CFAP299: variants seen among roughly 807,000 people sequenced by gnomAD.
CFAP299 encodes the protein cilia- and flagella-associated protein 299.
A neutral mutation model predicts 27.0 loss-of-function variants in CFAP299; 21 were observed. That is an observed-to-expected ratio of 0.78 (90% CI 0.55 to 1.12). CFAP299 has a LOEUF of 1.12. Ranked by LOEUF, CFAP299 falls within the 50% of genes most tolerant of loss-of-function variation. The probability of loss-of-function intolerance (pLI) is 0.00; values close to 1 mark genes in which losing one functional copy is unlikely to be tolerated. For missense variants in CFAP299, 310 were observed against 276.6 expected (o/e 1.12, Z -0.86); for synonymous variants, 104 against 98.1 (o/e 1.06, Z -0.36).
At chr4:80,770,792 G>T (rs1578107891) in intron 3 of CFAP299, among the ~76,000 whole-genome samples, 1 of 152,176 alleles carries the variant, frequency 6.6e-6, no homozygotes, top group Non-Finnish European at 1.5e-5. Context: ...TTGGTTTTGG[G>T]AGTAAGTCCC....
chr4:80,916,721 T>C (rs1398231847), intron 4 of CFAP299, among the ~76,000 whole-genome samples: 2 of 152,044 alleles, frequency 1.3e-5, no homozygotes, highest in African/African-American at 4.8e-5. Context: ...AGAACAATTA[T>C]TGCAGGGATT....
chr4:80,501,440 A>G (rs1731737318), intron 2 of CFAP299, among the ~76,000 whole-genome samples: 1 of 147,646 alleles, frequency 6.8e-6, no homozygotes, highest in Non-Finnish European at 1.5e-5. Flanking sequence ...TATAAATTAT[A>G]AATATTCATA....
chr4:80,614,130 A>G (rs1022820334), intron 3 of CFAP299, among the ~76,000 whole-genome samples: 2 of 152,190 alleles, frequency 1.3e-5, no homozygotes, highest in African/African-American at 4.8e-5. Flanking sequence ...ATACATAACA[A>G]GTCACCTATT....
intron 3 of CFAP299, among the ~76,000 whole-genome samples, chr4:80,646,890 T>A (rs1165864130): frequency 6.6e-6 from 1 of 152,174 alleles, no homozygotes; most frequent in Non-Finnish European, 1.5e-5. Context: ...TATTCTTCGA[T>A]CTGGCAGTAT....
chr4:80,601,462 C>T (rs1577918315), intron 3 of CFAP299, among the ~76,000 whole-genome samples: 1 of 152,148 alleles, frequency 6.6e-6, no homozygotes, highest in Non-Finnish European at 1.5e-5. Flanking sequence ...CATTATGCCC[C>T]ACCTACCTTT....
Position 80,625,738 on chromosome 4 carries a change from A to G in CFAP299, c.333+42555A>G, listed in dbSNP as rs1738853833. Among the ~76,000 whole-genome samples the G allele has an allele frequency of 2.0e-5, 3 of 152,030 alleles. No homozygotes were observed. The South Asian group carries it at 6.2e-4, about 31-fold the overall frequency. ...TAGCCAAACACAAACTGGAGTGGCC[A>G]TTCTTATATCAGATTATATAGACTT... On this transcript the variant is annotated intron_variant, in intron 3 of 5. Transcript: ENST00000358105.
intron 3 of CFAP299, among the ~76,000 whole-genome samples, chr4:80,653,228 G>A (rs1740397607): frequency 6.6e-6 from 1 of 151,922 alleles, no homozygotes; most frequent in South Asian, 2.1e-4. Context: ...TTGACAAACG[G>A]CAGATCTACT....
intron 2 of CFAP299, among the ~76,000 whole-genome samples, chr4:80,419,221 T>A (rs1251178801): frequency 6.6e-6 from 1 of 152,094 alleles, no homozygotes; most frequent in Non-Finnish European, 1.5e-5. Flanking sequence ...AACTTAAGAG[T>A]TTAAGTGTGC....
At position 80,782,665 on chromosome 4, in the gene CFAP299, A is replaced by C. The variant is rs1469219897; in HGVS notation, c.334-87328A>C. Among the ~76,000 whole-genome samples the C allele has an allele frequency of 1.6e-5, 2 of 127,828 alleles. 1 individual carries two copies. The highest frequency in any genetic ancestry group is 5.7e-5 in the African/African-American group (2 of 34,956). 83.9% of individuals were successfully genotyped at this position (127,828 alleles called of 152,430 possible). ...ACATATATGAATATATAATATATTC[A>C]TATATAATATACATATATGAATATA... On this transcript the variant is annotated intron_variant, in intron 3 of 5. Coordinates refer to ENST00000358105, the MANE Select transcript of CFAP299 (RefSeq NM_152770.3).
intron 3 of CFAP299, among the ~76,000 whole-genome samples, chr4:80,763,817 C>T (rs959166576): frequency 2.0e-5 from 3 of 152,122 alleles, no homozygotes; most frequent in Admixed American, 6.5e-5. Context: ...CTACAACCAT[C>T]GAATCTTCAA....
intron 1 of CFAP299, among the ~76,000 whole-genome samples, chr4:80,351,148 G>A (rs1027850821): frequency 9.2e-5 from 14 of 152,146 alleles, no homozygotes; most frequent in African/African-American, 3.4e-4. Flanking sequence ...AAGTTCTTCA[G>A]GTTGAAGGAA....
At chr4:80,693,899 T>C (rs918545432) in intron 3 of CFAP299, among the ~76,000 whole-genome samples, 21 of 151,828 alleles carry the variant, frequency 1.4e-4, no homozygotes, top group Admixed American at 1.3e-3. Flanking sequence ...AATAAAAATT[T>C]GTAAAATTTA....
chr4:80,397,678 G>A lies in CFAP299; in HGVS notation c.242+34794G>A, dbSNP rs556486827. Reference sequence around the variant, plus strand: ...CTCTCAATAAATTAGGTATTGATGGGACATATCTCAAAATAATAAGAGCTA... The same window carrying A: ...CTCTCAATAAATTAGGTATTGATGGAACATATCTCAAAATAATAAGAGCTA... On this transcript the variant is annotated intron_variant, in intron 2 of 5. Coordinates refer to ENST00000358105, the MANE Select transcript of CFAP299 (RefSeq NM_152770.3). Among the ~76,000 whole-genome samples, 835 of 152,152 alleles carry A rather than the reference G, an allele frequency of 5.5e-3. 4 individuals carry two copies. The highest frequency in any genetic ancestry group is 9.3e-3 in the Non-Finnish European group (630 of 67,986).
At chr4:80,807,737 G>A (rs114097955) in intron 3 of CFAP299, among the ~76,000 whole-genome samples, 3,045 of 151,998 alleles carry the variant, frequency 0.02, 76 homozygotes, top group South Asian at 0.06. Context: ...AAATCTGATC[G>A]TGGTTTACTA....
chr4:80,670,502 C>T (rs149997200), intron 3 of CFAP299, among the ~76,000 whole-genome samples: 3,182 of 152,070 alleles, frequency 0.021, 80 homozygotes, highest in South Asian at 0.061. Flanking sequence ...GGGTATATAC[C>T]CCGTAATGGG....
intron 4 of CFAP299, among the ~76,000 whole-genome samples, chr4:80,877,014 A>G (rs1375240069): frequency 6.6e-6 from 1 of 152,142 alleles, no homozygotes; most frequent in Non-Finnish European, 1.5e-5. Context: ...AGTCACTGTG[A>G]GTAAGAATTA....
chr4:80,559,230 G>C lies in CFAP299; in HGVS notation c.243-23863G>C, dbSNP rs376460952. 1.3e-4 allele frequency among the ~76,000 whole-genome samples: 20 copies of C among 148,886 alleles called. No individual in the cohort carries two copies. In the South Asian group the frequency reaches 4.0e-3, roughly 30 times the overall value. On this transcript the variant is annotated intron_variant, in intron 2 of 5. Coordinates refer to ENST00000358105, the MANE Select transcript of CFAP299 (RefSeq NM_152770.3). The stretch of plus-strand genomic sequence containing the variant: ...GTTTGGGTTTTCATATAACATGACA[G>C]GTTCATGGTAGTTGGACTTCTTGCA...
intron 4 of CFAP299, among the ~76,000 whole-genome samples, chr4:80,889,325 G>A (rs1734130224): frequency 6.6e-6 from 1 of 151,710 alleles, no homozygotes; most frequent in African/African-American, 2.4e-5. Context: ...AAATTCAAAG[G>A]AACATTAGTG....
At chr4:80,388,217 A>T in intron 2 of CFAP299, 1 of 697,890 alleles carries the variant, frequency 1.4e-6, no homozygotes, top group Non-Finnish European at 2.7e-6. Flanking sequence ...CACAGAATGC[A>T]TGTTCAGGCT....
Sources: gnomAD v4.1 joint callset for allele counts (sites outside exome capture counted in the v4.1 genomes callset) on GRCh38, gnomAD v4.1.1 for gene constraint, MANE v1.5 for transcripts, NCBI Gene and HGNC (gene_info 2026-07-23, HGNC 2026-07-21) for gene names.